ZNF239: variants seen among roughly 807,000 people sequenced by gnomAD.
The protein encoded by ZNF239 is zinc finger protein 239.
In ZNF239, 16 loss-of-function variants were observed where a neutral mutation model predicts 27.5. The observed-to-expected ratio is 0.58, with a 90% CI of 0.39 to 0.88. The LOEUF is 0.88. ZNF239 is among the 40% of genes least tolerant of loss of function. The pLI, the probability that ZNF239 is intolerant of heterozygous loss-of-function variation, is 0.00. For missense variants in ZNF239, 527 were observed against 551.9 expected (o/e 0.95, Z 0.45); for synonymous variants, 199 against 192.6 (o/e 1.03, Z -0.27).
At chr10:43,561,763 T>C (rs1173808121) in intron 3 of ZNF239, among the ~76,000 whole-genome samples, 1 of 152,156 alleles carries the variant, frequency 6.6e-6, no homozygotes, top group Non-Finnish European at 1.5e-5. Flanking sequence ...GTGAGGTGAT[T>C]GCTTGAGCTC....
intron 2 of ZNF239, among the ~76,000 whole-genome samples, chr10:43,572,645 G>A (rs527935423): frequency 1.8e-4 from 28 of 152,314 alleles, no homozygotes; most frequent in African/African-American, 6.7e-4. Flanking sequence ...AGTTAGCCGA[G>A]TTAGAGCTCT....
chr10:43,568,737 C>T (rs533197903), intron 2 of ZNF239, among the ~76,000 whole-genome samples: 256 of 152,298 alleles, frequency 1.7e-3, no homozygotes, highest in African/African-American at 5.7e-3. Context: ...TACACTGGGA[C>T]GTCTAAAGTG....
In ZNF239 at chr10:43,556,637, T is replaced by C; in HGVS notation, c.*66A>G. On this transcript the variant is annotated 3_prime_UTR_variant, in exon 4 of 4. Transcript: ENST00000374446. ...TCCTTTGTAGAATATAAAGTAAGAG[T>C]GATACTAAATATTTAACAGTTTTTA... The C allele has an allele frequency of 6.5e-7, 1 of 1,527,006 alleles. No homozygotes were observed. Among genetic ancestry groups the C allele is most frequent in the Non-Finnish European group, 8.8e-7 (1 of 1,132,710 alleles). The allele number at this position is 1,527,006 out of a possible 1,614,324, so 94.6% of individuals were successfully genotyped here. A position where few individuals can be genotyped will look rare whatever the true frequency, so the allele number is the denominator to read the frequency against.
intron 2 of ZNF239, among the ~76,000 whole-genome samples, chr10:43,571,682 C>T (rs919471013): frequency 3.3e-5 from 5 of 152,110 alleles, no homozygotes; most frequent in African/African-American, 9.7e-5. Context: ...CCTCAGCCTC[C>T]CGAGTAGCTG....
intron 2 of ZNF239, 51 bp from the exon 3 acceptor site, chr10:43,568,072 C>A: frequency 1.0e-6 from 1 of 985,802 alleles, no homozygotes; most frequent in Non-Finnish European, 1.2e-6. Context: ...TGCACAAATG[C>A]CCTGCAAGTG....
At position 43,562,176 on chromosome 10, in the gene ZNF239, A is replaced by T. The variant is rs115632494; in HGVS notation, c.-92-4005T>A. 6.6e-3 allele frequency among the ~76,000 whole-genome samples: 999 copies of T among 152,304 alleles called. 10 individuals are homozygous for T. The highest frequency in any genetic ancestry group is 0.023 in the African/African-American group (951 of 41,582). On this transcript the variant is annotated intron_variant, in intron 3 of 3. Transcript: ENST00000374446. ...TCAATAGAAATTACAAAATATTGAT[A>T]AACTGAGAAATAACAGTATATCACA...
chr10:43,572,306 T>C (rs970000584), intron 2 of ZNF239, among the ~76,000 whole-genome samples: 12 of 152,222 alleles, frequency 7.9e-5, no homozygotes, highest in African/African-American at 2.9e-4. Flanking sequence ...TTAATCTCCC[T>C]TGAAGTCCTC....
At chr10:43,559,313 G>A (rs1044323213) in intron 3 of ZNF239, among the ~76,000 whole-genome samples, 2 of 152,180 alleles carry the variant, frequency 1.3e-5, no homozygotes, top group East Asian at 1.9e-4. Flanking sequence ...TTTAGGTAGC[G>A]AGACGGCTGC....
In ZNF239 at chr10:43,558,023, C is replaced by T. The variant is rs375024303; in HGVS notation, c.57G>A (p.Val19=). 1,906 of 1,614,150 alleles carry T rather than the reference C, an allele frequency of 1.2e-3. 33 individuals are homozygous for T. The South Asian group carries it at 0.019, about 16-fold the overall frequency. The change falls in exon 4 of 4, where the codon GTG becomes GTA. Residue 19 remains valine (V), a synonymous_variant. Transcript: ENST00000374446. ...AAATATCTAGTTCAGGCTCCCCATC[C>T]ACTTCCCCTCGATGATTCACAATAC... The part of the protein sequence containing the change: ...QDCIVNHRGE[V]DGEPELDISP...
rs74138142 is a variant in ZNF239 at position 43,557,594 on chromosome 10, T to C, written c.486A>G (p.Ser162=). 1.7e-3 allele frequency: 2,714 copies of C among 1,614,198 alleles called. 51 individuals are homozygous for C. The African/African-American group carries it at 0.032, about 19-fold the overall frequency. The change falls in exon 4 of 4, where the codon TCA becomes TCG. Residue 162 remains serine (S), a synonymous_variant. Transcript: ENST00000374446. The stretch of plus-strand genomic sequence containing the variant: ...TCTGCTGACTACAACTGACCACCTG[T>C]GATTTCCATCCATGAATGTCTTTGC... The part of the protein sequence containing the change: ...CNCKDIHGWK[S]QVVSCSQQRA...
chr10:43,564,222 C>T (rs943443531), intron 3 of ZNF239: 13 of 900,664 alleles, frequency 1.4e-5, no homozygotes, highest in South Asian at 5.1e-5. Context: ...ATACACAACC[C>T]GCATTCCATC....
In ZNF239 at chr10:43,556,726, C is replaced by T. The variant is rs2132209265; in HGVS notation, c.1354G>A (p.Val452Ile). 6.2e-7 allele frequency: 1 copy of T among 1,613,644 alleles called. No individual in the cohort carries two copies. Among genetic ancestry groups the T allele is most frequent in the East Asian group, 2.2e-5 (1 of 44,866 alleles). The change falls in exon 4 of 4, where the codon GTT (valine) becomes ATT (isoleucine). Residue 452 changes from valine to isoleucine, a missense_variant. Physicochemically the swap from Val to Ile is conservative, Grantham distance 29. Coordinates refer to ENST00000374446, the MANE Select transcript of ZNF239 (RefSeq NM_001099282.2). ...AGTTAGCGAGGATCTTTCTTGTGAA[C>T]CCGCTGGTGGATGTGAAGGTTGGAG... ...QSSNLHIHQR[V>I]HKKDPR
At position 43,567,944 on chromosome 10, in the gene ZNF239, C is replaced by T. The variant is rs1588809067; in HGVS notation, c.-138G>A. 2 of 985,924 alleles carry T rather than the reference C, an allele frequency of 2.0e-6. No homozygotes were observed. Among genetic ancestry groups the T allele is most frequent in the African/African-American group, 1.7e-5 (1 of 57,336 alleles). 61.1% of individuals were successfully genotyped at this position (985,924 alleles called of 1,614,324 possible). On this transcript the variant is annotated 5_prime_UTR_variant, in exon 3 of 4. Coordinates refer to ENST00000374446, the MANE Select transcript of ZNF239 (RefSeq NM_001099282.2). Reference sequence around the variant, plus strand: ...TGCCCAGCATCACAGCTCCGCACAGCTTCCTGGGAGCAGAGTCCAGGTGAC... The same window carrying T: ...TGCCCAGCATCACAGCTCCGCACAGTTTCCTGGGAGCAGAGTCCAGGTGAC...
rs1203047647 is a variant in ZNF239 at position 43,556,827 on chromosome 10, A to G, written c.1253T>C (p.Leu418Pro). The G allele has an allele frequency of 1.2e-6, 2 of 1,613,414 alleles. No homozygotes were observed. Among genetic ancestry groups the G allele is most frequent in the Admixed American group, 1.7e-5 (1 of 59,932 alleles). The change falls in exon 4 of 4, where the codon CTC (leucine) becomes CCC (proline). Residue 418 changes from leucine (L) to proline (P), a missense_variant. Coordinates refer to ENST00000374446, the MANE Select transcript of ZNF239 (RefSeq NM_001099282.2). Reference protein sequence around the residue: ...CGKGFSQSSKLLIHQRVHTGE... With the variant: ...CGKGFSQSSKPLIHQRVHTGE... ...AGTATGTACTCTCTGGTGGATGAGG[A>G]GTTTGGAACTCTGGCTAAATCCCTT...
At position 43,556,717 on chromosome 10, in the gene ZNF239, T is replaced by G. The variant is rs1301831257; in HGVS notation, c.1363A>C (p.Lys455Gln). 6.2e-7 allele frequency: 1 copy of G among 1,613,276 alleles called. No individual in the cohort carries two copies. Among genetic ancestry groups the G allele is most frequent in the Admixed American group, 1.7e-5 (1 of 59,992 alleles). Residue 455 changes from lysine to glutamine, a missense_variant, in exon 4 of 4, where the codon AAA (lysine) becomes CAA (glutamine). By Grantham distance (53) the Lys-to-Gln change is moderately conservative. Coordinates refer to ENST00000374446, the MANE Select transcript of ZNF239 (RefSeq NM_001099282.2). Reference sequence around the variant, plus strand: ...GCTAATGTCAGTTAGCGAGGATCTTTCTTGTGAACCCGCTGGTGGATGTGA... The same window carrying G: ...GCTAATGTCAGTTAGCGAGGATCTTGCTTGTGAACCCGCTGGTGGATGTGA... Reference protein sequence around the residue: ...NLHIHQRVHKKDPR With the variant: ...NLHIHQRVHKQDPR
Position 43,556,548 on chromosome 10 carries a change from TTAAA to T in ZNF239, c.*151_*154del, listed in dbSNP as rs1836749781. On this transcript the variant is annotated 3_prime_UTR_variant, in exon 4 of 4. Transcript: ENST00000374446. ...TACAGCATAACAAAGTGCTTGATAC[TTAAA>T]TATTTTGAATGAGTGATTTTTCAGT... is the stretch of plus-strand genomic sequence containing the variant. 1 of 985,628 alleles carries T rather than the reference TTAAA, an allele frequency of 1.0e-6. No homozygotes were observed. The highest frequency in any genetic ancestry group is 1.4e-6 in the Non-Finnish European group (1 of 690,092). The allele number at this position is 985,628 out of a possible 1,614,324, so 61.1% of individuals were successfully genotyped here. A position where few individuals can be genotyped will look rare whatever the true frequency, so the allele number is the denominator to read the frequency against.
intron 2 of ZNF239, chr10:43,570,116 TA>T: frequency 1.0e-6 from 1 of 952,848 alleles, no homozygotes; most frequent in East Asian, 1.2e-4. Flanking sequence ...GGCCTGAGGC[TA>T]AAGAGGCACC....
At chr10:43,563,763 T>G (rs1837437334) in intron 3 of ZNF239, among the ~76,000 whole-genome samples, 1 of 152,140 alleles carries the variant, frequency 6.6e-6, no homozygotes, top group African/African-American at 2.4e-5. Context: ...GAGCACACCA[T>G]TCCTTGATAC....
chr10:43,570,444 A>C (rs1169741978), intron 2 of ZNF239: 2 of 985,150 alleles, frequency 2.0e-6, no homozygotes, highest in East Asian at 2.3e-4. Flanking sequence ...CCTTCTCTTC[A>C]GACCACAGAG....
Sources: allele counts gnomAD v4.1 joint callset (sites outside exome capture counted in the v4.1 genomes callset), GRCh38; gene constraint gnomAD v4.1.1; transcripts MANE v1.5; gene names NCBI Gene and HGNC (gene_info 2026-07-23, HGNC 2026-07-21).